The following CYFIP1 variants were observed in gnomAD, a reference collection of about 807,000 sequenced individuals.
The protein encoded by CYFIP1 is cytoplasmic FMR1-interacting protein 1.
In CYFIP1, 58 loss-of-function variants were observed where a neutral mutation model predicts 163.5. That is an observed-to-expected ratio of 0.35 (90% CI 0.29 to 0.44). The LOEUF is 0.44. CYFIP1 is among the 20% of genes least tolerant of loss of function. The pLI is 1.00. For synonymous variants in CYFIP1, 663 were observed against 660.7 expected, an observed-to-expected ratio of 1.00 and a Z score of -0.05; for missense variants, 1,338 against 1,653.8, an observed-to-expected ratio of 0.81 and a Z score of 3.31.
chr15:22,961,972 G>C (rs61458683), intron 1 of CYFIP1, among the ~76,000 whole-genome samples: 31,450 of 152,078 alleles, frequency 0.21, 3,457 homozygotes, highest in Middle Eastern at 0.24. Context: ...GGAGGAAGAA[G>C]TCTGCCAGCC....
At chr15:22,871,898 G>T (rs1040245993) in intron 30 of CYFIP1, among the ~76,000 whole-genome samples, 1 of 152,118 alleles carries the variant, frequency 6.6e-6, no homozygotes. Flanking sequence ...GACCCAGCTG[G>T]GCCTGGCTGA....
rs2061352789 is a variant in CYFIP1, at chr15:22,926,217, T to C, written c.1234-110A>G. 9 of 1,511,110 alleles carry C rather than the reference T, an allele frequency of 6.0e-6. No homozygotes were observed. In the East Asian group the frequency reaches 1.4e-4, roughly 23 times the overall value. 93.6% of individuals were successfully genotyped at this position (1,511,110 alleles called of 1,614,324 possible). A position where few individuals can be genotyped will look rare whatever the true frequency, so the allele number is the denominator to read the frequency against. ...GCCAGGCCAGCCTTCAAACCTTTGCTGCATTCTGAAAGTCACACATGAGGG... is the reference window on the plus strand; with the variant it reads ...GCCAGGCCAGCCTTCAAACCTTTGCCGCATTCTGAAAGTCACACATGAGGG... On this transcript the variant is annotated intron_variant, in intron 12 of 30. Transcript: ENST00000617928.
intron 21 of CYFIP1, among the ~76,000 whole-genome samples, chr15:22,905,730 G>A (rs2060552806): frequency 6.6e-6 from 1 of 150,902 alleles, no homozygotes; most frequent in African/African-American, 2.4e-5. Context: ...GAGCCACCGA[G>A]TGCCCAGCCT....
intron 23 of CYFIP1, 122 bp from the exon 24 acceptor site, chr15:22,883,133 G>T: frequency 8.5e-7 from 1 of 1,178,154 alleles, no homozygotes; most frequent in Non-Finnish European, 1.2e-6. Flanking sequence ...CTACTGACTT[G>T]TAAAATCTAC....
In CYFIP1 at chr15:22,869,235, T is replaced by A. The variant is rs999868611; in HGVS notation, c.*793A>T. ...AGAGGCACTGAGTAGCCTCTTCATA[T>A]CCAGATTGGAGCAGCCAACACGGCC... On this transcript the variant is annotated 3_prime_UTR_variant, in exon 31 of 31. Transcript: ENST00000617928. 1 of 152,176 alleles carries A rather than the reference T, an allele frequency of 6.6e-6. No individual in the cohort carries two copies. Among genetic ancestry groups the A allele is most frequent in the Admixed American group, 6.5e-5 (1 of 15,270 alleles). The allele number at this position is 152,176 out of a possible 1,614,324, so 9.4% of individuals were successfully genotyped here. A position where few individuals can be genotyped will look rare whatever the true frequency, so the allele number is the denominator to read the frequency against.
At chr15:22,933,158 T>C in intron 10 of CYFIP1, among the ~76,000 whole-genome samples, 1 of 150,594 alleles carries the variant, frequency 6.6e-6, no homozygotes, top group Middle Eastern at 3.2e-3. Flanking sequence ...TAAGACAACC[T>C]TTTTAAACAT....
intron 1 of CYFIP1, among the ~76,000 whole-genome samples, chr15:22,949,766 T>TA (rs1472642017): frequency 6.6e-6 from 1 of 152,036 alleles, no homozygotes; most frequent in African/African-American, 2.4e-5. Context: ...CTAGAAGTAG[T>TA]AAAAAGCAGA....
chr15:22,889,010 A>T (rs1360855387), intron 23 of CYFIP1, among the ~76,000 whole-genome samples: 1 of 151,336 alleles, frequency 6.6e-6, no homozygotes, highest in Admixed American at 6.6e-5. Context: ...ACACCACTGT[A>T]CTCCAGCCTA....
chr15:22,910,932 C>T (rs142739050), intron 18 of CYFIP1, 119 bp from the exon 19 acceptor site: 111 of 871,324 alleles, frequency 1.3e-4, no homozygotes, highest in Admixed American at 2.1e-4. Flanking sequence ...TTTTTTGAGA[C>T]GGAGTCTTGC....
intron 11 of CYFIP1, 38 bp downstream of exon 11, chr15:22,932,185 C>G (rs1046780824): frequency 6.6e-7 from 1 of 1,508,052 alleles, no homozygotes; most frequent in Middle Eastern, 1.7e-4. Flanking sequence ...CACAGGCGAC[C>G]CTCGGGTGCC....
At chr15:22,971,452 C>T (rs1182727422) in intron 1 of CYFIP1, among the ~76,000 whole-genome samples, 1 of 152,136 alleles carries the variant, frequency 6.6e-6, no homozygotes, top group Non-Finnish European at 1.5e-5. Context: ...GCAGGCAGAT[C>T]GCTTGAGGTC....
intron 1 of CYFIP1, among the ~76,000 whole-genome samples, chr15:22,971,004 A>G: frequency 6.6e-6 from 1 of 152,050 alleles, no homozygotes; most frequent in East Asian, 1.9e-4. Flanking sequence ...TGAACCCGGG[A>G]GGCGGAGCTT....
intron 22 of CYFIP1, among the ~76,000 whole-genome samples, chr15:22,896,388 G>T (rs2060236619): frequency 6.6e-6 from 1 of 151,966 alleles, no homozygotes; most frequent in Non-Finnish European, 1.5e-5. Flanking sequence ...TCAAATCTGG[G>T]AAATTCAAGG....
chr15:22,945,943 T>C (rs1415031173), intron 3 of CYFIP1, among the ~76,000 whole-genome samples: 2 of 152,240 alleles, frequency 1.3e-5, no homozygotes, highest in Admixed American at 1.3e-4. Flanking sequence ...ATAGTTGAAT[T>C]GTGGACATTT....
rs1329460977 is a variant in CYFIP1, at chr15:22,951,365, AGTGCAGGGCAGCCCCGGCCGGGTGG to A, written c.-6-4099_-6-4075del. The stretch of plus-strand genomic sequence containing the variant: ...TGTTCCACACACCTCAGAAAGGAGC[AGTGCAGGGCAGCCCCGGCCGGGTGG>A]GTGCAGGGTCCAGCCCCAGCGCTGC... On this transcript the variant is annotated intron_variant, in intron 1 of 30. Transcript: ENST00000617928. The A allele has an allele frequency of 3.2e-6, 4 of 1,230,870 alleles. No homozygotes were observed. The African/African-American group carries it at 6.3e-5, about 19-fold the overall frequency. The allele number at this position is 1,230,870 out of a possible 1,614,324, so 76.2% of individuals were successfully genotyped here. A position where few individuals can be genotyped will look rare whatever the true frequency, so the allele number is the denominator to read the frequency against.
At chr15:22,880,848 G>C (rs1286774488) in intron 25 of CYFIP1, among the ~76,000 whole-genome samples, 1 of 152,148 alleles carries the variant, frequency 6.6e-6, no homozygotes, top group Non-Finnish European at 1.5e-5. Context: ...TGGCGGGGGT[G>C]GGGGCGGGGA....
chr15:22,934,177 C>CTTTTTTTTTTTTT lies in CYFIP1; in HGVS notation c.901-297_901-285dup, dbSNP rs1163626431. Among the ~76,000 whole-genome samples the CTTTTTTTTTTTTT allele has an allele frequency of 1.4e-4, 9 of 66,162 alleles. 1 individual carries two copies. Among genetic ancestry groups the CTTTTTTTTTTTTT allele is most frequent in the African/African-American group, 5.6e-4 (9 of 16,196 alleles). 43.4% of individuals were successfully genotyped at this position (66,162 alleles called of 152,430 possible). A position where few individuals can be genotyped will look rare whatever the true frequency, so the allele number is the denominator to read the frequency against. Reference sequence around the variant, plus strand: ...AAAAAAAAAATCACTGCATTTCTTTCTTTTTTTTTTTTTTTTTTTTTTTTT... The same window carrying CTTTTTTTTTTTTT: ...AAAAAAAAAATCACTGCATTTCTTTCTTTTTTTTTTTTTTTTTTTTTTTTTTTTTTTTTTTTTT... On this transcript the variant is annotated intron_variant, in intron 9 of 30. Coordinates refer to ENST00000617928, the MANE Select transcript of CYFIP1 (RefSeq NM_014608.6).
At chr15:22,964,875 G>C (rs931096711) in intron 1 of CYFIP1, among the ~76,000 whole-genome samples, 1 of 152,148 alleles carries the variant, frequency 6.6e-6, no homozygotes, top group African/African-American at 2.4e-5. Flanking sequence ...TCTACTCTCT[G>C]CTTCTATGAG....
Position 22,963,866 on chromosome 15 carries a change from C to T in CYFIP1, c.-7+16421G>A, listed in dbSNP as rs1019050100. Among the ~76,000 whole-genome samples the T allele has an allele frequency of 5.3e-5, 8 of 152,098 alleles. 1 individual carries two copies. Among genetic ancestry groups the T allele is most frequent in the Admixed American group, 1.3e-4 (2 of 15,274 alleles). ...CCTGGACACCATGCCTTCATGAGGACGGCTTGTAGAAAGGACCTTCCAGGC... is the reference window on the plus strand; with the variant it reads ...CCTGGACACCATGCCTTCATGAGGATGGCTTGTAGAAAGGACCTTCCAGGC... On this transcript the variant is annotated intron_variant, in intron 1 of 30. Coordinates refer to ENST00000617928, the MANE Select transcript of CYFIP1 (RefSeq NM_014608.6).
Sources: allele counts gnomAD v4.1 joint callset (sites outside exome capture counted in the v4.1 genomes callset), GRCh38; gene constraint gnomAD v4.1.1; transcripts MANE v1.5; gene names NCBI Gene and HGNC (gene_info 2026-07-23, HGNC 2026-07-21).